The following PARG variants were observed in gnomAD, a reference collection of about 807,000 sequenced individuals.
PARG encodes mitochondrial poly(ADP-ribose) glycohydrolase.
In PARG, 35 loss-of-function variants were observed where a neutral mutation model predicts 113.0. The observed-to-expected ratio is 0.31, with a 90% CI of 0.24 to 0.41. The LOEUF is 0.41. Ranked by LOEUF, PARG falls within the 10% of genes least tolerant of loss-of-function variation. PARG has a pLI of 1.00. For synonymous variants in PARG, 330 were observed against 409.9 expected (o/e 0.81, Z 2.36); for missense variants, 797 against 1,169.4 (o/e 0.68, Z 4.64).
chr10:49,850,624 A>G (rs1845719366), intron 13 of PARG, among the ~76,000 whole-genome samples: 1 of 152,306 alleles, frequency 6.6e-6, no homozygotes, highest in Admixed American at 6.5e-5. Flanking sequence ...TTTCCTGTTC[A>G]TAAAAAGACA....
intron 1 of PARG, among the ~76,000 whole-genome samples, chr10:49,936,259 G>A (rs1171025396): frequency 6.6e-5 from 10 of 152,112 alleles, no homozygotes; most frequent in African/African-American, 2.2e-4. Context: ...CAATAATAGG[G>A]GAAGTTAAAA....
chr10:49,924,991 G>A (rs1334515565), intron 4 of PARG, among the ~76,000 whole-genome samples: 1 of 152,172 alleles, frequency 6.6e-6, no homozygotes, highest in Non-Finnish European at 1.5e-5. Context: ...TGTCAGGTCA[G>A]TGGCAACATC....
Position 49,903,538 on chromosome 10 carries a change from T to C in PARG, c.1737+12379A>G, listed in dbSNP as rs547978103. ...AAAATAGTAAGATGCCCTGGAAAAA[T>C]TGGGCCTCATGAATATTCAGACATT... is the stretch of plus-strand genomic sequence containing the variant. On this transcript the variant is annotated intron_variant, in intron 7 of 17. Transcript: ENST00000616448. Among the ~76,000 whole-genome samples the C allele has an allele frequency of 2.6e-5, 4 of 152,062 alleles. No homozygotes were observed. In the East Asian group the frequency reaches 5.8e-4, roughly 22 times the overall value.
At chr10:49,844,120 G>A (rs1554832904) in intron 13 of PARG, among the ~76,000 whole-genome samples, 1 of 151,790 alleles carries the variant, frequency 6.6e-6, no homozygotes, top group Non-Finnish European at 1.5e-5. Context: ...ACTCCAGCAT[G>A]GGAGACAGAG....
At chr10:49,925,527 A>T (rs1344698887) in intron 4 of PARG, among the ~76,000 whole-genome samples, 2 of 152,202 alleles carry the variant, frequency 1.3e-5, no homozygotes, top group Non-Finnish European at 2.9e-5. Context: ...ACCAACCTAT[A>T]GCCTGACCAC....
At chr10:49,866,684 A>G (rs1242351592) in intron 10 of PARG, among the ~76,000 whole-genome samples, 7 of 152,154 alleles carry the variant, frequency 4.6e-5, no homozygotes, top group African/African-American at 1.7e-4. Context: ...GCAGAAGAAC[A>G]TGGTTTCTTA....
intron 7 of PARG, among the ~76,000 whole-genome samples, chr10:49,906,184 TG>T (rs1848580535): frequency 6.9e-6 from 1 of 145,466 alleles, no homozygotes; most frequent in Admixed American, 6.9e-5. Flanking sequence ...GGTTTCACCA[TG>T]TTGGTCAGGC....
At chr10:49,916,157 G>A (rs1837462342) in intron 6 of PARG, among the ~76,000 whole-genome samples, 166 bp from the exon 7 acceptor site, 1 of 151,926 alleles carries the variant, frequency 6.6e-6, no homozygotes, top group African/African-American at 2.4e-5. Flanking sequence ...CAGACAAACA[G>A]AATGAATACT....
chr10:49,927,258 G>A (rs1407852867), intron 4 of PARG, among the ~76,000 whole-genome samples: 6 of 151,674 alleles, frequency 4.0e-5, no homozygotes, highest in Non-Finnish European at 8.8e-5. Context: ...AGTGAGCTGA[G>A]ATTGCGCCAC....
intron 9 of PARG, among the ~76,000 whole-genome samples, chr10:49,877,990 T>A (rs1359828160): frequency 1.3e-5 from 2 of 152,056 alleles, no homozygotes; most frequent in East Asian, 3.9e-4. Context: ...TATGGTAACT[T>A]TACAGTGGAA....
Position 49,924,467 on chromosome 10 carries a change from G to A in PARG, c.1456-1798C>T, listed in dbSNP as rs1265818289. Among the ~76,000 whole-genome samples, 9 of 151,376 alleles carry A rather than the reference G, an allele frequency of 5.9e-5. No individual in the cohort carries two copies. The East Asian group carries it at 1.5e-3, about 26-fold the overall frequency. ...TTAGGTAAGGCTTCCTTGAGGAAGT[G>A]GCAACTGAGCTTAACTCTAAAGGCT... On this transcript the variant is annotated intron_variant, in intron 4 of 17. Coordinates refer to ENST00000616448, the MANE Select transcript of PARG (RefSeq NM_003631.5).
chr10:49,843,495 G>C (rs982914096), intron 14 of PARG, 59 bp downstream of exon 14: 18 of 1,075,396 alleles, frequency 1.7e-5, no homozygotes, highest in Non-Finnish European at 2.4e-5. Context: ...GTGTGTGAGG[G>C]TCAAGCCCAA....
intron 4 of PARG, among the ~76,000 whole-genome samples, chr10:49,925,857 T>C (rs1304899333): frequency 2.6e-5 from 4 of 152,272 alleles, no homozygotes; most frequent in African/African-American, 7.2e-5. Flanking sequence ...AAAGGATTCT[T>C]AGCAAAGCAA....
At chr10:49,907,889 ACAC>A (rs1281994458) in intron 7 of PARG, among the ~76,000 whole-genome samples, 1 of 152,216 alleles carries the variant, frequency 6.6e-6, no homozygotes, top group Non-Finnish European at 1.5e-5. Flanking sequence ...AATGAAATCA[ACAC>A]CACAGCAACA....
At chr10:49,920,420 C>T (rs1554848819) in intron 6 of PARG, among the ~76,000 whole-genome samples, 1 of 136,060 alleles carries the variant, frequency 7.3e-6, no homozygotes, top group African/African-American at 2.8e-5. Flanking sequence ...GCACTCCACC[C>T]TAGGTGATGG....
At chr10:49,837,723 C>A (rs190504207) in intron 15 of PARG, among the ~76,000 whole-genome samples, 1 of 152,270 alleles carries the variant, frequency 6.6e-6, no homozygotes, top group African/African-American at 2.4e-5. Context: ...AATTAAAAAA[C>A]TAATTCCTTG....
At chr10:49,904,724 T>A (rs1453166749) in intron 7 of PARG, among the ~76,000 whole-genome samples, 1 of 151,924 alleles carries the variant, frequency 6.6e-6, no homozygotes, top group East Asian at 1.9e-4. Context: ...GAGACCAGCC[T>A]GGCCAACATG....
chr10:49,839,810 G>A (rs1366666456), intron 15 of PARG, among the ~76,000 whole-genome samples: 1 of 152,204 alleles, frequency 6.6e-6, no homozygotes, highest in Non-Finnish European at 1.5e-5. Flanking sequence ...CTTTCAGTTT[G>A]TATTCATGTA....
intron 6 of PARG, among the ~76,000 whole-genome samples, chr10:49,920,101 T>A (rs2377697): frequency 0.032 from 4,796 of 151,738 alleles, 95 homozygotes; most frequent in Non-Finnish European, 0.051. Flanking sequence ...ACCTGAAATT[T>A]TAAAAAAAAT....
Sources: gnomAD v4.1 joint callset for allele counts (sites outside exome capture counted in the v4.1 genomes callset) on GRCh38, gnomAD v4.1.1 for gene constraint, MANE v1.5 for transcripts, NCBI Gene and HGNC (gene_info 2026-07-23, HGNC 2026-07-21) for gene names.